Variants in HP1BP3 observed in about 807,000 individuals in gnomAD.
HP1BP3 encodes heterochromatin protein 1-binding protein 3.
Under a neutral mutation model 62.5 loss-of-function variants are expected in HP1BP3, and 12 were observed. That is an observed-to-expected ratio of 0.19 (90% CI 0.12 to 0.31). HP1BP3 has a LOEUF of 0.31. HP1BP3 is among the 10% of genes least tolerant of loss of function. The pLI is 1.00. For synonymous variants in HP1BP3, 260 were observed against 237.8 expected (o/e 1.09, Z -0.86); for missense variants, 502 against 651.8 (o/e 0.77, Z 2.50).
intron 11 of HP1BP3, among the ~76,000 whole-genome samples, chr1:20,746,814 A>C (rs991963532): frequency 3.3e-5 from 5 of 152,184 alleles, no homozygotes; most frequent in African/African-American, 1.2e-4. Context: ...CAGGAGTTCA[A>C]GGCCAGCCTA....
chr1:20,754,039 G>A (rs1387541654), intron 9 of HP1BP3, among the ~76,000 whole-genome samples: 1 of 152,158 alleles, frequency 6.6e-6, no homozygotes, highest in African/African-American at 2.4e-5. Flanking sequence ...AGAAGTAAAA[G>A]ACATCCAGAC....
chr1:20,776,767 G>A lies in HP1BP3; in HGVS notation c.197-17C>T, dbSNP rs1243787655. On this transcript the variant is annotated splice_polypyrimidine_tract_variant and intron_variant, in intron 3 of 12. Transcript: ENST00000438032. ...TGTCTGGTTCTAAAAAATCAGGTGA[G>A]CAGAATTGCATAAGCAGATGTATTC... is the stretch of plus-strand genomic sequence containing the variant. 3.1e-6 allele frequency: 5 copies of A among 1,604,578 alleles called. No homozygotes were observed. Among genetic ancestry groups the A allele is most frequent in the Admixed American group, 1.7e-5 (1 of 58,200 alleles).
intron 7 of HP1BP3, among the ~76,000 whole-genome samples, chr1:20,766,337 G>C (rs934232854): frequency 6.6e-6 from 1 of 151,748 alleles, no homozygotes; most frequent in Non-Finnish European, 1.5e-5. Flanking sequence ...AAGGAGTGTA[G>C]ATTTTAAAGG....
intron 8 of HP1BP3, among the ~76,000 whole-genome samples, chr1:20,762,971 C>CT (rs1391641615): frequency 6.6e-6 from 1 of 152,118 alleles, no homozygotes; most frequent in African/African-American, 2.4e-5. Flanking sequence ...TGGGAGGTGT[C>CT]TGAGTTATAG....
intron 9 of HP1BP3, among the ~76,000 whole-genome samples, chr1:20,756,567 C>G (rs2056122073): frequency 6.6e-6 from 1 of 151,964 alleles, no homozygotes; most frequent in Non-Finnish European, 1.5e-5. Flanking sequence ...GAAACACTGT[C>G]TCAAAAAAAA....
chr1:20,753,779 T>C (rs1035541943), intron 9 of HP1BP3, among the ~76,000 whole-genome samples: 1 of 152,132 alleles, frequency 6.6e-6, no homozygotes, highest in Non-Finnish European at 1.5e-5. Flanking sequence ...CACAATCATC[T>C]CAACAGACAC....
At chr1:20,748,283 A>C (rs997529952) in intron 10 of HP1BP3, among the ~76,000 whole-genome samples, 2 of 152,228 alleles carry the variant, frequency 1.3e-5, no homozygotes, top group Non-Finnish European at 2.9e-5. Context: ...ATAAATCAGT[A>C]AACAGTAACA....
chr1:20,766,361 A>C (rs188587905), intron 7 of HP1BP3, among the ~76,000 whole-genome samples: 250 of 152,252 alleles, frequency 1.6e-3, no homozygotes, highest in African/African-American at 5.6e-3. Context: ...TAATTTATGA[A>C]GTACAGCACC....
At chr1:20,767,489 T>C (rs948154466) in intron 7 of HP1BP3, 95 bp downstream of exon 7, 3 of 853,490 alleles carry the variant, frequency 3.5e-6, no homozygotes, top group South Asian at 1.4e-5. Flanking sequence ...GAACCTTGCA[T>C]AGTGCCAGGC....
chr1:20,763,132 T>A (rs1319801626), intron 8 of HP1BP3, among the ~76,000 whole-genome samples: 2 of 152,140 alleles, frequency 1.3e-5, no homozygotes, highest in African/African-American at 4.8e-5. Flanking sequence ...ATACGATAGC[T>A]CCTCCTTCCA....
intron 1 of HP1BP3, among the ~76,000 whole-genome samples, chr1:20,786,988 G>A (rs2057872522): frequency 6.6e-6 from 1 of 152,034 alleles, no homozygotes; most frequent in South Asian, 2.1e-4. Flanking sequence ...AAAAGGGCAG[G>A]GGGCTAGGTC....
intron 5 of HP1BP3, 86 bp from the exon 6 acceptor site, chr1:20,771,159 ATT>A: frequency 8.7e-7 from 1 of 1,153,922 alleles, no homozygotes; most frequent in East Asian, 2.5e-5. Context: ...TTGGAAGTGA[ATT>A]TGATGATAGA....
At chr1:20,745,746 C>A in intron 11 of HP1BP3, 90 bp from the exon 12 acceptor site, 1 of 1,300,472 alleles carries the variant, frequency 7.7e-7, no homozygotes. Flanking sequence ...GGACATATCC[C>A]ACTTCTTCCC....
In HP1BP3 at chr1:20,744,683, T is replaced by A; in HGVS notation, c.*114A>T. 2.0e-6 allele frequency: 2 copies of A among 1,017,452 alleles called. No homozygotes were observed. Among genetic ancestry groups the A allele is most frequent in the Non-Finnish European group, 1.4e-6 (1 of 703,312 alleles). 63.0% of individuals were successfully genotyped at this position (1,017,452 alleles called of 1,614,324 possible). A position where few individuals can be genotyped will look rare whatever the true frequency, so the allele number is the denominator to read the frequency against. On this transcript the variant is annotated 3_prime_UTR_variant, in exon 13 of 13. Transcript: ENST00000438032. ...TATTTAGAGTCCCTCCCCACAATGTTCATAGGGGAGGAAAATAATGTAATT... is the reference window on the plus strand; with the variant it reads ...TATTTAGAGTCCCTCCCCACAATGTACATAGGGGAGGAAAATAATGTAATT...
chr1:20,776,485 C>A, intron 4 of HP1BP3, 112 bp downstream of exon 4: 1 of 936,002 alleles, frequency 1.1e-6, no homozygotes, highest in Non-Finnish European at 1.6e-6. Flanking sequence ...AAATTAAATC[C>A]AAATAGCAAA....
intron 8 of HP1BP3, among the ~76,000 whole-genome samples, chr1:20,762,048 C>G (rs186646659): frequency 6.6e-6 from 1 of 152,186 alleles, no homozygotes; most frequent in Non-Finnish European, 1.5e-5. Context: ...ATTGTAGATA[C>G]CAGTATAGAC....
intron 1 of HP1BP3, among the ~76,000 whole-genome samples, chr1:20,781,833 T>C (rs1028848878): frequency 1.3e-4 from 20 of 151,924 alleles, no homozygotes; most frequent in African/African-American, 4.6e-4. Flanking sequence ...ACCATGTTGG[T>C]CAGGCTGGTC....
intron 8 of HP1BP3, 118 bp from the exon 9 acceptor site, chr1:20,757,374 T>TA (rs58898561): frequency 0.49 from 135,557 of 277,172 alleles, 29,265 homozygotes; most frequent in African/African-American, 0.55. Flanking sequence ...TTATTATTAT[T>TA]TTTTTTTTTT....
intron 11 of HP1BP3, among the ~76,000 whole-genome samples, chr1:20,746,942 G>A (rs371458800): frequency 6.6e-6 from 1 of 152,214 alleles, no homozygotes; most frequent in East Asian, 1.9e-4. Flanking sequence ...CTTGAGCCCA[G>A]GAGGCGGAGA....
Sources: gnomAD v4.1 joint callset for allele counts (sites outside exome capture counted in the v4.1 genomes callset) on GRCh38, gnomAD v4.1.1 for gene constraint, MANE v1.5 for transcripts, NCBI Gene and HGNC (gene_info 2026-07-23, HGNC 2026-07-21) for gene names.